TXLNG: variants seen among roughly 807,000 people sequenced by gnomAD.
TXLNG encodes taxilin gamma.
Under a neutral mutation model 38.8 loss-of-function variants are expected in TXLNG, and 5 were observed. The observed-to-expected ratio is 0.13, with a 90% confidence interval of 0.07 to 0.27. The LOEUF (loss-of-function observed/expected upper bound fraction) is 0.27. TXLNG is among the 10% of genes least tolerant of loss of function. TXLNG has a pLI of 1.00. For synonymous variants in TXLNG, 182 were observed against 158.2 expected (o/e 1.15, Z -1.13); for missense variants, 393 against 398.2 (o/e 0.99, Z 0.11).
intron 3 of TXLNG, among the ~76,000 whole-genome samples, chrX:16,824,197 T>A (rs1569269366): frequency 9.0e-6 from 1 of 111,263 alleles, no homozygotes; most frequent in Non-Finnish European, 1.9e-5. Flanking sequence ...CAAGACCCTG[T>A]ACACACACAC....
At chrX:16,797,298 G>A (rs1482798733) in intron 1 of TXLNG, among the ~76,000 whole-genome samples, 1 of 103,833 alleles carries the variant, frequency 9.6e-6, no homozygotes, top group East Asian at 2.9e-4. Flanking sequence ...AAAAAAAAAA[G>A]AAGAAATGTT....
At position 16,841,901 on chromosome X, in the gene TXLNG, T is replaced by TA. The variant is rs1929860459; in HGVS notation, c.*136dup. Reference sequence around the variant, plus strand: ...TGTATTTTCTTAGAACTACTGGACTTATGTGGTACAGGAGGCTGCTTAGCA... The same window carrying TA: ...TGTATTTTCTTAGAACTACTGGACTTAATGTGGTACAGGAGGCTGCTTAGCA... On this transcript the variant is annotated 3_prime_UTR_variant, in exon 10 of 10. Transcript: ENST00000380122. 1 of 716,665 alleles carries TA rather than the reference T, an allele frequency of 1.4e-6. No homozygotes were observed. Among genetic ancestry groups the TA allele is most frequent in the Admixed American group, 3.7e-5 (1 of 26,902 alleles). The allele number at this position is 716,665 out of a possible 1,213,427, so 59.1% of individuals were successfully genotyped here. A position where few individuals can be genotyped will look rare whatever the true frequency, so the allele number is the denominator to read the frequency against.
chrX:16,826,052 T>A (rs766785917), intron 3 of TXLNG, among the ~76,000 whole-genome samples: 8 of 112,090 alleles, frequency 7.1e-5, no homozygotes, highest in Non-Finnish European at 1.5e-4. Context: ...AAAGGATTTT[T>A]TTTTTAGAGA....
At chrX:16,839,473 G>C (rs1929714100) in intron 8 of TXLNG, 1 of 125,317 alleles carries the variant, frequency 8.0e-6, no homozygotes, top group South Asian at 3.6e-4. Context: ...CTTGTCTCTC[G>C]CTACCCGGAG....
chrX:16,786,608 C>G lies in TXLNG; in HGVS notation c.102+19C>G. The G allele has an allele frequency of 9.7e-7, 1 of 1,028,870 alleles. No homozygotes were observed. Among genetic ancestry groups the G allele is most frequent in the Non-Finnish European group, 1.2e-6 (1 of 803,378 alleles). 84.8% of individuals were successfully genotyped at this position (1,028,870 alleles called of 1,213,427 possible). A position where few individuals can be genotyped will look rare whatever the true frequency, so the allele number is the denominator to read the frequency against. On this transcript the variant is annotated intron_variant, in intron 1 of 9. Coordinates refer to ENST00000380122, the MANE Select transcript of TXLNG (RefSeq NM_018360.3). ...GCAGAAGGTCAGTCAGGGGGACGCC[C>G]TCGTTGTTGTCGGGCCCGGGGGATG... is the stretch of plus-strand genomic sequence containing the variant.
chrX:16,791,734 C>T (rs746091865), intron 1 of TXLNG, among the ~76,000 whole-genome samples: 1 of 110,968 alleles, frequency 9.0e-6, no homozygotes, highest in East Asian at 2.8e-4. Flanking sequence ...TACAGGCATG[C>T]GCCACCAGGC....
chrX:16,796,860 G>A (rs1302445752), intron 1 of TXLNG, among the ~76,000 whole-genome samples: 1 of 111,304 alleles, frequency 9.0e-6, no homozygotes, highest in Non-Finnish European at 1.9e-5. Flanking sequence ...CTCAAACTTC[G>A]GTTTGAGGAT....
At position 16,833,975 on chromosome X, in the gene TXLNG, T is replaced by C. The variant is rs1173326875; in HGVS notation, c.985-308T>C. 3.6e-5 allele frequency among the ~76,000 whole-genome samples: 4 copies of C among 112,410 alleles called. No homozygotes were observed. In the South Asian group the frequency reaches 1.1e-3, roughly 31 times the overall value. ...CAAGATTATCAGCCGTGTTCTCTGC[T>C]AATACTGTACATGTAATTATTTTCA... On this transcript the variant is annotated intron_variant, in intron 6 of 9. Coordinates refer to ENST00000380122, the MANE Select transcript of TXLNG (RefSeq NM_018360.3).
Position 16,841,568 on chromosome X carries a change from G to A in TXLNG, c.1389G>A (p.Ala463=), listed in dbSNP as rs777585757. The change falls in exon 10 of 10, where the codon GCG becomes GCA. Residue 463 remains alanine (A), a synonymous_variant. Coordinates refer to ENST00000380122, the MANE Select transcript of TXLNG (RefSeq NM_018360.3). ...EVLKEQVSIK[A]AIKAANRDLA... ...TGAAAGAGCAGGTATCCATCAAAGC[G>A]GCCATCAAAGCGGCGAACAGGGATT... 9.9e-6 allele frequency: 12 copies of A among 1,209,630 alleles called. No individual in the cohort carries two copies. Among genetic ancestry groups the A allele is most frequent in the Admixed American group, 8.7e-5 (4 of 45,748 alleles).
At chrX:16,822,098 G>C (rs1259792951) in intron 3 of TXLNG, among the ~76,000 whole-genome samples, 1 of 110,090 alleles carries the variant, frequency 9.1e-6, no homozygotes, top group Non-Finnish European at 1.9e-5. Flanking sequence ...CAGCACTTTG[G>C]GAGGCCGAGG....
At chrX:16,802,561 A>G (rs1308177487) in intron 1 of TXLNG, among the ~76,000 whole-genome samples, 1 of 110,177 alleles carries the variant, frequency 9.1e-6, no homozygotes, top group East Asian at 2.9e-4. Flanking sequence ...ACTTATGTTA[A>G]ATTGGCTTGG....
chrX:16,823,794 G>A (rs1161887686), intron 3 of TXLNG, among the ~76,000 whole-genome samples: 2 of 111,353 alleles, frequency 1.8e-5, no homozygotes, highest in Admixed American at 1.9e-4. Context: ...TGATCCTTAA[G>A]TACTTTATAA....
intron 8 of TXLNG, among the ~76,000 whole-genome samples, chrX:16,838,490 G>A (rs1283218762): frequency 8.9e-6 from 1 of 112,033 alleles, no homozygotes; most frequent in Non-Finnish European, 1.9e-5. Context: ...TGGACAAATT[G>A]TTAAACCTTT....
chrX:16,802,272 A>G (rs1317529742), intron 1 of TXLNG, among the ~76,000 whole-genome samples: 2 of 88,282 alleles, frequency 2.3e-5, no homozygotes, highest in Non-Finnish European at 4.4e-5. Flanking sequence ...TTTTTTTTAG[A>G]CACAGTCTTA....
intron 1 of TXLNG, among the ~76,000 whole-genome samples, chrX:16,795,131 G>T (rs1268853875): frequency 3.6e-5 from 4 of 109,755 alleles, no homozygotes; most frequent in African/African-American, 1.3e-4. Flanking sequence ...CAAAAAATTA[G>T]CCAGGCGTGG....
Position 16,841,447 on chromosome X carries a change from A to G in TXLNG, c.1268A>G (p.Glu423Gly), listed in dbSNP as rs751033038. The change falls in exon 10 of 10, where the codon GAG (glutamate) becomes GGG (glycine). Residue 423 changes from glutamate to glycine, a missense_variant. Transcript: ENST00000380122. ...MAEEKTVRDK[E>G]YKALQIKLER... ...TTACAGAAAACAGTCCGTGATAAAG[A>G]GTACAAGGCCCTTCAAATAAAACTG... 8.3e-7 allele frequency: 1 copy of G among 1,202,350 alleles called. No homozygotes were observed. The highest frequency in any genetic ancestry group is 1.8e-5 in the South Asian group (1 of 55,432).
intron 1 of TXLNG, among the ~76,000 whole-genome samples, chrX:16,814,800 T>G (rs1928670786): frequency 8.9e-6 from 1 of 111,889 alleles, no homozygotes; most frequent in Non-Finnish European, 1.9e-5. Context: ...ATGAAAGTGT[T>G]GCAAAGTTGA....
chrX:16,818,954 G>T, intron 2 of TXLNG, 77 bp downstream of exon 2: 1 of 1,039,120 alleles, frequency 9.6e-7, no homozygotes, highest in South Asian at 2.4e-5. Context: ...AGATAATTTT[G>T]AACACAGCCA....
At chrX:16,806,775 G>GATGT (rs1400616808) in intron 1 of TXLNG, among the ~76,000 whole-genome samples, 1 of 110,090 alleles carries the variant, frequency 9.1e-6, no homozygotes, top group Non-Finnish European at 1.9e-5. Flanking sequence ...AAATTAGCTG[G>GATGT]ATGTGGTGGT....
Sources: allele counts gnomAD v4.1 joint callset (sites outside exome capture counted in the v4.1 genomes callset), GRCh38; gene constraint gnomAD v4.1.1; transcripts MANE v1.5; gene names NCBI Gene and HGNC (gene_info 2026-07-23, HGNC 2026-07-21).